The following ENPP2 variants were observed in gnomAD, a reference collection of about 807,000 sequenced individuals.
ENPP2 encodes the protein ectonucleotide pyrophosphatase/phosphodiesterase 2.
In ENPP2, 51 loss-of-function variants were observed where a neutral mutation model predicts 120.2. The ratio of observed to expected loss-of-function variants is 0.42; its 90% CI spans 0.34 to 0.54. ENPP2 has a LOEUF of 0.54. Among genes scored for constraint, ENPP2 ranks in the 20% least tolerant of loss-of-function variants. The probability of loss-of-function intolerance (pLI) is 0.04; values close to 1 mark genes in which losing one functional copy is unlikely to be tolerated. For synonymous variants in ENPP2, 365 were observed against 366.4 expected (o/e 1.00, Z 0.04); for missense variants, 920 against 1,066.5 (o/e 0.86, Z 1.91).
intron 3 of ENPP2, among the ~76,000 whole-genome samples, chr8:119,624,687 C>T (rs1188431509): frequency 6.6e-6 from 1 of 152,002 alleles, no homozygotes; most frequent in Non-Finnish European, 1.5e-5. Flanking sequence ...TTCAAAAGGA[C>T]GATTTGTATA....
At chr8:119,595,827 G>T in intron 11 of ENPP2, 2 of 1,612,932 alleles carry the variant, frequency 1.2e-6, no homozygotes, top group Non-Finnish European at 1.7e-6. Flanking sequence ...ACAAAGCTTT[G>T]GAACAATAGA....
At position 119,564,969 on chromosome 8, in the gene ENPP2, A is replaced by G; in HGVS notation, c.2132-14T>C. 6.2e-7 allele frequency: 1 copy of G among 1,606,710 alleles called. No individual in the cohort carries two copies. Among genetic ancestry groups the G allele is most frequent in the Non-Finnish European group, 8.5e-7 (1 of 1,176,866 alleles). ...AATTCCAGACCCCTGTGCAAAGACA[A>G]AAATCCAAAAATCAATTATTCATGA... is the stretch of plus-strand genomic sequence containing the variant. On this transcript the variant is annotated splice_polypyrimidine_tract_variant and intron_variant, in intron 22 of 24. Transcript: ENST00000075322.
At chr8:119,599,845 A>G (rs1470259352) in intron 11 of ENPP2, among the ~76,000 whole-genome samples, 1 of 152,090 alleles carries the variant, frequency 6.6e-6, no homozygotes, top group Non-Finnish European at 1.5e-5. Context: ...TGTCCCTACT[A>G]AAAATACAAA....
intron 15 of ENPP2, 31 bp downstream of exon 15, chr8:119,586,155 G>T: frequency 6.2e-7 from 1 of 1,600,848 alleles, no homozygotes; most frequent in African/African-American, 1.3e-5. Flanking sequence ...TTGTGGAAAT[G>T]AGAAACAGAA....
At chr8:119,572,958 C>G (rs2130139693) in intron 19 of ENPP2, 1 of 152,362 alleles carries the variant, frequency 6.6e-6, no homozygotes, top group Admixed American at 6.5e-5. Flanking sequence ...TTAAACCAGG[C>G]TGGCCCCATG....
intron 1 of ENPP2, among the ~76,000 whole-genome samples, chr8:119,644,173 C>T (rs1185066858): frequency 6.6e-6 from 1 of 151,970 alleles, no homozygotes; most frequent in Non-Finnish European, 1.5e-5. Context: ...GATTTTGAAG[C>T]ATTAATCTCT....
At chr8:119,644,613 TATATATATATATAC>T (rs1438856938) in intron 1 of ENPP2, among the ~76,000 whole-genome samples, 28 of 102,616 alleles carry the variant, frequency 2.7e-4, no homozygotes, top group South Asian at 1.4e-3. Flanking sequence ...TATATATATA[TATATATATATATAC>T]ACACACACAC....
At chr8:119,605,467 T>TGTGTGTA (rs1209460755) in intron 9 of ENPP2, among the ~76,000 whole-genome samples, 168 of 142,386 alleles carry the variant, frequency 1.2e-3, no homozygotes, top group African/African-American at 4.4e-3. Flanking sequence ...TGTGTGTGTA[T>TGTGTGTA]TTTTTTTTTT....
intron 4 of ENPP2, among the ~76,000 whole-genome samples, chr8:119,619,736 A>C (rs1467841062): frequency 6.6e-6 from 1 of 152,016 alleles, no homozygotes; most frequent in Non-Finnish European, 1.5e-5. Context: ...AAGTCTTAGA[A>C]TCTACAGAGA....
chr8:119,596,140 G>A (rs1164181269), intron 11 of ENPP2: 4 of 688,024 alleles, frequency 5.8e-6, no homozygotes, highest in Non-Finnish European at 9.5e-6. Flanking sequence ...AAATTGGAAT[G>A]AGGGATGGAT....
intron 8 of ENPP2, among the ~76,000 whole-genome samples, chr8:119,614,794 C>T (rs777259415): frequency 3.3e-5 from 5 of 152,136 alleles, no homozygotes; most frequent in Non-Finnish European, 5.9e-5. Flanking sequence ...ATTTTGTGTA[C>T]TCATAAAATA....
intron 10 of ENPP2, among the ~76,000 whole-genome samples, chr8:119,601,009 A>G (rs1814263196): frequency 6.6e-6 from 1 of 152,054 alleles, no homozygotes; most frequent in South Asian, 2.1e-4. Context: ...CGGATCCTTG[A>G]CCCTCAAGAT....
At chr8:119,631,725 C>T (rs1287030017) in intron 2 of ENPP2, among the ~76,000 whole-genome samples, 2 of 152,280 alleles carry the variant, frequency 1.3e-5, no homozygotes, top group East Asian at 1.9e-4. Flanking sequence ...TCTTTCACGA[C>T]AAGCTCTAGT....
At chr8:119,567,525 C>T (rs1219597196) in intron 22 of ENPP2, among the ~76,000 whole-genome samples, 1 of 152,132 alleles carries the variant, frequency 6.6e-6, no homozygotes, top group Non-Finnish European at 1.5e-5. Flanking sequence ...CTTGACTTCA[C>T]CAGCATCCAC....
At chr8:119,626,089 G>A (rs1367296006) in intron 3 of ENPP2, among the ~76,000 whole-genome samples, 2 of 152,188 alleles carry the variant, frequency 1.3e-5, no homozygotes, top group Non-Finnish European at 2.9e-5. Flanking sequence ...CAGGCACAGT[G>A]GCTCACTCCT....
intron 3 of ENPP2, among the ~76,000 whole-genome samples, chr8:119,623,293 G>A (rs535638878): frequency 3.3e-5 from 5 of 151,996 alleles, no homozygotes; most frequent in South Asian, 2.1e-4. Flanking sequence ...GTGAAACCCC[G>A]TCTCTACTAA....
chr8:119,610,905 A>G (rs1815061513), intron 8 of ENPP2, among the ~76,000 whole-genome samples: 1 of 143,956 alleles, frequency 6.9e-6, no homozygotes, highest in Non-Finnish European at 1.5e-5. Context: ...TCTGTCTTTA[A>G]AAAAAAAAAA....
chr8:119,626,471 G>C, intron 3 of ENPP2, 94 bp downstream of exon 3: 1 of 937,352 alleles, frequency 1.1e-6, no homozygotes, highest in Non-Finnish European at 1.7e-6. Context: ...AGTTTGGATA[G>C]ACCAAAGCAG....
chr8:119,596,490 G>A (rs369109715), intron 11 of ENPP2, among the ~76,000 whole-genome samples: 2 of 152,190 alleles, frequency 1.3e-5, no homozygotes, highest in Admixed American at 6.5e-5. Context: ...TTCTGTTCAC[G>A]TCAGCAACTA....
Sources: gnomAD v4.1 joint callset for allele counts (sites outside exome capture counted in the v4.1 genomes callset) on GRCh38, gnomAD v4.1.1 for gene constraint, MANE v1.5 for transcripts, NCBI Gene and HGNC (gene_info 2026-07-23, HGNC 2026-07-21) for gene names.